OR6C6: variants seen among roughly 807,000 people sequenced by gnomAD.
The protein encoded by OR6C6 is olfactory receptor family 6 subfamily C member 6.
For synonymous variants in OR6C6, 140 were observed against 135.2 expected (o/e 1.04, Z -0.25); for missense variants, 411 against 366.8 (o/e 1.12, Z -0.98).
chr12:55,294,461 T>C lies in OR6C6; in HGVS notation c.772A>G (p.Ile258Val), dbSNP rs754591299. ...MTYGSCIFMYIKPSAKERVTV... is the reference protein window; with the variant it reads ...MTYGSCIFMYVKPSAKERVTV... ...ACTCTTTCTTTTGCAGATGGTTTAA[T>C]ATACATAAAGATACAGCTACCGTAT... The change falls in exon 2 of 2, where the codon ATT becomes GTT. Residue 258 changes from isoleucine (I) to valine (V), a missense_variant. Ile to Val is a conservative substitution (Grantham distance 29). Transcript: ENST00000358433. 3 of 1,613,898 alleles carry C rather than the reference T, an allele frequency of 1.9e-6. No individual in the cohort carries two copies. The highest frequency in any genetic ancestry group is 1.1e-5 in the South Asian group (1 of 91,078).
chr12:55,295,747 C>G, intron 1 of OR6C6, among the ~76,000 whole-genome samples: 1 of 151,940 alleles, frequency 6.6e-6, no homozygotes, highest in East Asian at 1.9e-4. Flanking sequence ...TAAAGATCCT[C>G]ATTTCAATAG....
Position 55,294,169 on chromosome 12 carries a change from C to T in OR6C6, c.*119G>A, listed in dbSNP as rs961290334. 6.4e-6 allele frequency: 4 copies of T among 626,264 alleles called. No homozygotes were observed. The highest frequency in any genetic ancestry group is 1.1e-5 in the Non-Finnish European group (4 of 355,796). 38.8% of individuals were successfully genotyped at this position (626,264 alleles called of 1,614,324 possible). On this transcript the variant is annotated 3_prime_UTR_variant, in exon 2 of 2. Coordinates refer to ENST00000358433, the MANE Select transcript of OR6C6 (RefSeq NM_001005493.2). ...CCATGTTGGCCAGGCTGGTCTCGAA[C>T]TCCTGACCTCAGGTAACCACCCTCC...
Position 55,295,406 on chromosome 12 carries a change from T to G in OR6C6, c.-25-149A>C, listed in dbSNP as rs149664147. On this transcript the variant is annotated intron_variant, in intron 1 of 1. Transcript: ENST00000358433. ...ATGACACATAATTACATACCATAGG[T>G]GAATTCAAAATTTGCTCTAATCTAC... 275 of 447,140 alleles carry G rather than the reference T, an allele frequency of 6.2e-4. 6 individuals carry two copies. In the East Asian group the frequency reaches 9.3e-3, roughly 15 times the overall value. 27.7% of individuals were successfully genotyped at this position (447,140 alleles called of 1,614,324 possible). A position where few individuals can be genotyped will look rare whatever the true frequency, so the allele number is the denominator to read the frequency against.
In OR6C6 at chr12:55,295,169, G is replaced by A; in HGVS notation, c.64C>T (p.Gln22Ter). 7 of 1,613,470 alleles carry A rather than the reference G, an allele frequency of 4.3e-6. No homozygotes were observed. The highest frequency in any genetic ancestry group is 1.3e-5 in the African/African-American group (1 of 75,004). Residue 22 changes from glutamine to a stop codon, truncating the protein, a stop_gained, in exon 2 of 2, where the codon CAA becomes TAA. Coordinates refer to ENST00000358433, the MANE Select transcript of OR6C6 (RefSeq NM_001005493.2). LOFTEE classifies it low-confidence loss of function (END_TRUNC). Reference sequence around the variant, plus strand: ...AATAGAAACAGGAAAATCACAATTTGCAACTGTGGGTCATCTGTCAATCCT... The same window carrying A: ...AATAGAAACAGGAAAATCACAATTTACAACTGTGGGTCATCTGTCAATCCT... Reference protein sequence around the residue: ...LLGLTDDPQLQIVIFLFLFLN... With the variant: ...LLGLTDDPQL
intron 1 of OR6C6, among the ~76,000 whole-genome samples, chr12:55,295,953 A>G (rs1314461578): frequency 6.6e-6 from 1 of 151,968 alleles, no homozygotes; most frequent in Non-Finnish European, 1.5e-5. Flanking sequence ...ATGTCATTTT[A>G]TTAGTGTGGC....
At position 55,294,930 on chromosome 12, in the gene OR6C6, A is replaced by G. The variant is rs1868247559; in HGVS notation, c.303T>C (p.Phe101=). The G allele has an allele frequency of 1.2e-6, 2 of 1,613,860 alleles. No homozygotes were observed. Among genetic ancestry groups the G allele is most frequent in the Non-Finnish European group, 1.7e-6 (2 of 1,179,894 alleles). The change falls in exon 2 of 2, where the codon TTT becomes TTC. Residue 101 remains phenylalanine, a synonymous_variant. Transcript: ENST00000358433. ...SYNNCATQLF[F]ILLPGVTEFY... is the part of the protein sequence containing the mutation. ...ACTCAGTAACTCCCGGTAAAAGGATAAAAAATAATTGAGTTGCACAATTAT... is the reference window on the plus strand; with the variant it reads ...ACTCAGTAACTCCCGGTAAAAGGATGAAAAATAATTGAGTTGCACAATTAT...
Position 55,294,872 on chromosome 12 carries a change from A to G in OR6C6, c.361T>C (p.Tyr121His). The G allele has an allele frequency of 6.2e-7, 1 of 1,614,116 alleles. No homozygotes were observed. The highest frequency in any genetic ancestry group is 1.7e-5 in the Admixed American group (1 of 59,990). The change falls in exon 2 of 2, where the codon TAC (tyrosine) becomes CAC (histidine). Residue 121 changes from tyrosine to histidine, a missense_variant. Coordinates refer to ENST00000358433, the MANE Select transcript of OR6C6 (RefSeq NM_001005493.2). ...YLLAAMSYDR[Y>H]VAICKPLHYP... ...TGCAGTGGTTTGCAGATGGCAACGT[A>G]GCGGTCATAGGACATGGCAGCCAGG...
At chr12:55,295,753 A>G (rs1054303182) in intron 1 of OR6C6, among the ~76,000 whole-genome samples, 1 of 152,052 alleles carries the variant, frequency 6.6e-6, no homozygotes, top group Non-Finnish European at 1.5e-5. Context: ...TCCTCATTTC[A>G]ATAGTTTTGA....
Position 55,294,676 on chromosome 12 carries a change from G to T in OR6C6, c.557C>A (p.Ser186Tyr). Residue 186 changes from serine to tyrosine, a missense_variant, in exon 2 of 2, where the codon TCC becomes TAC. Transcript: ENST00000358433. Reference protein sequence around the residue: ...MCETSPILQISCTDTHVLELM... With the variant: ...MCETSPILQIYCTDTHVLELM... ...TTCTAGGACATGGGTATCTGTGCAG[G>T]AGATCTGCAGAATAGGAGAAGTTTC... The T allele has an allele frequency of 6.2e-7, 1 of 1,613,950 alleles. No homozygotes were observed. Among genetic ancestry groups the T allele is most frequent in the Non-Finnish European group, 8.5e-7 (1 of 1,179,902 alleles).
intron 1 of OR6C6, among the ~76,000 whole-genome samples, chr12:55,296,118 C>T (rs1592256331): frequency 6.6e-6 from 1 of 151,760 alleles, no homozygotes; most frequent in East Asian, 1.9e-4. Flanking sequence ...CGTCAGTCTA[C>T]TTCATTATAT....
rs1954572099 is a variant in OR6C6 at position 55,294,451 on chromosome 12, G to A, written c.782C>T (p.Ser261Phe). Residue 261 changes from serine (S) to phenylalanine (F), a missense_variant, in exon 2 of 2, where the codon TCT becomes TTT. Physicochemically the swap from Ser to Phe is radical, Grantham distance 155. Transcript: ENST00000358433. ...GGATACAGTCACTCTTTCTTTTGCA[G>A]ATGGTTTAATATACATAAAGATACA... Reference protein sequence around the residue: ...GSCIFMYIKPSAKERVTVSKG... With the variant: ...GSCIFMYIKPFAKERVTVSKG... 1 of 1,613,736 alleles carries A rather than the reference G, an allele frequency of 6.2e-7. No homozygotes were observed. Among genetic ancestry groups the A allele is most frequent in the Non-Finnish European group, 8.5e-7 (1 of 1,179,658 alleles).
Position 55,294,013 on chromosome 12 carries a change from G to T in OR6C6, c.*275C>A. 9.3e-6 allele frequency: 2 copies of T among 214,462 alleles called. No individual in the cohort carries two copies. Among genetic ancestry groups the T allele is most frequent in the Non-Finnish European group, 1.9e-5 (2 of 108,048 alleles). 13.3% of individuals were successfully genotyped at this position (214,462 alleles called of 1,614,324 possible). A position where few individuals can be genotyped will look rare whatever the true frequency, so the allele number is the denominator to read the frequency against. On this transcript the variant is annotated 3_prime_UTR_variant, in exon 2 of 2. Transcript: ENST00000358433. ...AAGCTGGTGTGCAGTGGCACCATCT[G>T]GGCTCACTGCAACCTCCACCTCCCG...
rs763786355 is a variant in OR6C6 at position 55,294,357 on chromosome 12, G to A, written c.876C>T (p.Asn292=). 31 of 1,613,294 alleles carry A rather than the reference G, an allele frequency of 1.9e-5. No individual in the cohort carries two copies. The highest frequency in any genetic ancestry group is 2.6e-5 in the Non-Finnish European group (31 of 1,179,432). The change falls in exon 2 of 2, where the codon AAC becomes AAT. Residue 292 remains asparagine, a synonymous_variant. Coordinates refer to ENST00000358433, the MANE Select transcript of OR6C6 (RefSeq NM_001005493.2). ...CCCAGAAGACTTCTTTCACCTGCTGGTTTCTGAGAGTATAAATGAAGGGAT... is the reference window on the plus strand; with the variant it reads ...CCCAGAAGACTTCTTTCACCTGCTGATTTCTGAGAGTATAAATGAAGGGAT... ...LLNPFIYTLR[N]QQVKEVFWDV... is the part of the protein sequence containing the mutation.
intron 1 of OR6C6, among the ~76,000 whole-genome samples, 163 bp from the exon 2 acceptor site, chr12:55,295,420 G>T (rs1476905905): frequency 6.6e-6 from 1 of 151,876 alleles, no homozygotes; most frequent in African/African-American, 2.4e-5. Flanking sequence ...TTCAAAATTT[G>T]CTCTAATCTA....
chr12:55,294,681 C>G lies in OR6C6; in HGVS notation c.552G>C (p.Gln184His), dbSNP rs988853973. 19 of 1,614,096 alleles carry G rather than the reference C, an allele frequency of 1.2e-5. No individual in the cohort carries two copies. Among genetic ancestry groups the G allele is most frequent in the Non-Finnish European group, 1.6e-5 (19 of 1,180,014 alleles). The change falls in exon 2 of 2, where the codon CAG becomes CAC. Residue 184 changes from glutamine (Q) to histidine (H), a missense_variant. By Grantham distance (24) the Gln-to-His change is conservative. Coordinates refer to ENST00000358433, the MANE Select transcript of OR6C6 (RefSeq NM_001005493.2). ...HFMCETSPIL[Q>H]ISCTDTHVLE... ...GGACATGGGTATCTGTGCAGGAGAT[C>G]TGCAGAATAGGAGAAGTTTCACACA...
rs1248756750 is a variant in OR6C6, at chr12:55,294,264, A to G, written c.*24T>C. ...CAGGCCGTTTTCCAGTTTTTATGGT[A>G]AAGTTGTAATTTGTAGCAGATTCTT... On this transcript the variant is annotated 3_prime_UTR_variant, in exon 2 of 2. Transcript: ENST00000358433. The G allele has an allele frequency of 7.7e-6, 11 of 1,422,128 alleles. No individual in the cohort carries two copies. The highest frequency in any genetic ancestry group is 1.1e-5 in the Non-Finnish European group (11 of 1,024,806). 88.1% of individuals were successfully genotyped at this position (1,422,128 alleles called of 1,614,324 possible). A position where few individuals can be genotyped will look rare whatever the true frequency, so the allele number is the denominator to read the frequency against.
At position 55,294,397 on chromosome 12, in the gene OR6C6, A is replaced by G. The variant is rs530602168; in HGVS notation, c.836T>C (p.Ile279Thr). The G allele has an allele frequency of 1.9e-4, 310 of 1,612,936 alleles. 2 individuals carry two copies. In the South Asian group the frequency reaches 3.1e-3, roughly 16 times the overall value. Reference protein sequence around the residue: ...SKGVALLYTSIAPLLNPFIYT... With the variant: ...SKGVALLYTSTAPLLNPFIYT... Reference sequence around the variant, plus strand: ...AATGAAGGGATTTAGTAAAGGGGCAATTGAGGTATAGAGCAAAGCTACACC... The same window carrying G: ...AATGAAGGGATTTAGTAAAGGGGCAGTTGAGGTATAGAGCAAAGCTACACC... The change falls in exon 2 of 2, where the codon ATT (isoleucine) becomes ACT (threonine). Residue 279 changes from isoleucine to threonine, a missense_variant. By Grantham distance (89) the Ile-to-Thr change is moderately conservative. Coordinates refer to ENST00000358433, the MANE Select transcript of OR6C6 (RefSeq NM_001005493.2).
rs1201072374 is a variant in OR6C6, at chr12:55,294,320, T to C, written c.913A>G (p.Lys305Glu). The change falls in exon 2 of 2, where the codon AAG (lysine) becomes GAG (glutamate). Residue 305 changes from lysine to glutamate, a missense_variant. Coordinates refer to ENST00000358433, the MANE Select transcript of OR6C6 (RefSeq NM_001005493.2). ...GGTCTTTTAGAAAAACACAAATTCTTTTGTAATACATCCCAGAAGACTTCT... is the reference window on the plus strand; with the variant it reads ...GGTCTTTTAGAAAAACACAAATTCTCTTGTAATACATCCCAGAAGACTTCT... ...VKEVFWDVLQ[K>E]NLCFSKRPF 6 of 1,600,178 alleles carry C rather than the reference T, an allele frequency of 3.7e-6. No homozygotes were observed. Among genetic ancestry groups the C allele is most frequent in the Non-Finnish European group, 5.1e-6 (6 of 1,174,722 alleles).
rs1565656149 is a variant in OR6C6, at chr12:55,294,338, A to C, written c.895T>G (p.Phe299Val). The change falls in exon 2 of 2, where the codon TTC (phenylalanine) becomes GTC (valine). Residue 299 changes from phenylalanine (F) to valine (V), a missense_variant. Phe to Val is a conservative substitution (Grantham distance 50). Transcript: ENST00000358433. ...TLRNQQVKEV[F>V]WDVLQKNLCF... The stretch of plus-strand genomic sequence containing the variant: ...AAATTCTTTTGTAATACATCCCAGA[A>C]GACTTCTTTCACCTGCTGGTTTCTG... 1 of 1,612,860 alleles carries C rather than the reference A, an allele frequency of 6.2e-7. No homozygotes were observed. The highest frequency in any genetic ancestry group is 1.7e-5 in the Admixed American group (1 of 59,934).
Sources: gnomAD v4.1 joint callset for allele counts (sites outside exome capture counted in the v4.1 genomes callset) on GRCh38, gnomAD v4.1.1 for gene constraint, MANE v1.5 for transcripts, NCBI Gene and HGNC (gene_info 2026-07-23, HGNC 2026-07-21) for gene names.